Variants in CDK19 observed in about 807,000 individuals in gnomAD.
CDK19 encodes the protein cyclin-dependent kinase 19.
Under a neutral mutation model 68.3 loss-of-function variants are expected in CDK19, and 20 were observed. The observed-to-expected ratio is 0.29, with a 90% CI of 0.21 to 0.43. The LOEUF is 0.43. Among genes scored for constraint, CDK19 ranks in the 20% least tolerant of loss-of-function variants. The probability of loss-of-function intolerance (pLI) is 1.00; values close to 1 mark genes in which losing one functional copy is unlikely to be tolerated. For synonymous variants in CDK19, 221 were observed against 222.8 expected, an observed-to-expected ratio of 0.99 and a Z score of 0.07; for missense variants, 339 against 623.5, an observed-to-expected ratio of 0.54 and a Z score of 4.86.
At chr6:110,753,163 CA>C (rs1397389478) in intron 1 of CDK19, among the ~76,000 whole-genome samples, 5 of 152,140 alleles carry the variant, frequency 3.3e-5, no homozygotes, top group Admixed American at 3.3e-4. Flanking sequence ...TTCCTGGGCT[CA>C]AGCAATCCGC....
intron 2 of CDK19, among the ~76,000 whole-genome samples, chr6:110,692,539 C>T (rs1466692782): frequency 6.6e-6 from 1 of 151,822 alleles, no homozygotes; most frequent in East Asian, 1.9e-4. Flanking sequence ...GGAGAAGAGA[C>T]AATAAAAAGT....
chr6:110,707,014 A>AC (rs969442758), intron 2 of CDK19: 2 of 151,250 alleles, frequency 1.3e-5, no homozygotes, highest in African/African-American at 4.9e-5. Flanking sequence ...AAAAAAAAAA[A>AC]AAAACTGAGA....
At chr6:110,616,582 C>T (rs766233059) in intron 12 of CDK19, among the ~76,000 whole-genome samples, 4 of 151,652 alleles carry the variant, frequency 2.6e-5, no homozygotes, top group Non-Finnish European at 4.4e-5. Context: ...GCAGGAGAAT[C>T]GCTTGAACCC....
intron 4 of CDK19, among the ~76,000 whole-genome samples, chr6:110,641,651 AAGGAAGG>A (rs1251116488): frequency 4.1e-4 from 55 of 134,432 alleles, no homozygotes; most frequent in East Asian, 8.1e-4. Context: ...GAAAGAAAGG[AAGGAAGG>A]AAGGAAGGAA....
At chr6:110,787,694 G>A (rs1781326032) in intron 1 of CDK19, among the ~76,000 whole-genome samples, 1 of 151,940 alleles carries the variant, frequency 6.6e-6, no homozygotes, top group Non-Finnish European at 1.5e-5. Flanking sequence ...CTCCTGCCTT[G>A]GCCTGCCAAA....
At chr6:110,695,494 AAAGAT>A (rs977008939) in intron 2 of CDK19, among the ~76,000 whole-genome samples, 15 of 152,058 alleles carry the variant, frequency 9.9e-5, no homozygotes, top group African/African-American at 3.6e-4. Context: ...GAAAACAAAT[AAAGAT>A]TAGAACAGAA....
At position 110,613,125 on chromosome 6, in the gene CDK19, T is replaced by C. The variant is rs1442500683; in HGVS notation, c.*1410A>G. On this transcript the variant is annotated 3_prime_UTR_variant, in exon 13 of 13. Coordinates refer to ENST00000368911, the MANE Select transcript of CDK19 (RefSeq NM_015076.5). ...TACATTACAATGGGAGCTCTAAGTTTTTACATTTCCTTTTGACTCTGGGGA... is the reference window on the plus strand; with the variant it reads ...TACATTACAATGGGAGCTCTAAGTTCTTACATTTCCTTTTGACTCTGGGGA... 1 of 152,626 alleles carries C rather than the reference T, an allele frequency of 6.6e-6. No individual in the cohort carries two copies. The highest frequency in any genetic ancestry group is 1.5e-5 in the Non-Finnish European group (1 of 68,036). 9.5% of individuals were successfully genotyped at this position (152,626 alleles called of 1,614,324 possible).
At chr6:110,687,609 GA>G (rs1369768663) in intron 2 of CDK19, among the ~76,000 whole-genome samples, 2 of 152,208 alleles carry the variant, frequency 1.3e-5, no homozygotes, top group African/African-American at 4.8e-5. Flanking sequence ...CACAGAGGGG[GA>G]TGAGCTTCCA....
chr6:110,751,010 AT>A (rs1778438489), intron 1 of CDK19, among the ~76,000 whole-genome samples: 3 of 151,966 alleles, frequency 2.0e-5, no homozygotes, highest in African/African-American at 7.2e-5. Context: ...TAATTTTTGT[AT>A]TTTTGGTAGA....
chr6:110,679,627 T>C (rs936309512), intron 2 of CDK19, among the ~76,000 whole-genome samples: 18 of 152,058 alleles, frequency 1.2e-4, no homozygotes, highest in African/African-American at 3.9e-4. Context: ...CATAAAAAAT[T>C]TTTTTAAAAA....
chr6:110,672,762 G>A (rs1049086568), intron 2 of CDK19, among the ~76,000 whole-genome samples: 10 of 151,648 alleles, frequency 6.6e-5, no homozygotes, highest in Non-Finnish European at 1.5e-4. Flanking sequence ...TTAATATTAG[G>A]ACAATATCAA....
chr6:110,776,619 A>G (rs930267563), intron 1 of CDK19, among the ~76,000 whole-genome samples: 7 of 152,142 alleles, frequency 4.6e-5, no homozygotes, highest in Non-Finnish European at 8.8e-5. Flanking sequence ...CAAATTACTA[A>G]TTTAGCAATA....
chr6:110,798,112 T>G (rs947407471), intron 1 of CDK19, among the ~76,000 whole-genome samples: 1 of 152,002 alleles, frequency 6.6e-6, no homozygotes, highest in Non-Finnish European at 1.5e-5. Flanking sequence ...ATGAGTCAGA[T>G]GTACCGTACT....
In CDK19 at chr6:110,715,380, C is replaced by T. The variant is rs373736715; in HGVS notation, c.204+30746G>A. ...TTTCTGAACACTCCTATATTTAAGG[C>T]GCTATATGGGGCTTTGTTTAAATAT... is the stretch of plus-strand genomic sequence containing the variant. On this transcript the variant is annotated intron_variant, in intron 2 of 12. Coordinates refer to ENST00000368911, the MANE Select transcript of CDK19 (RefSeq NM_015076.5). Among the ~76,000 whole-genome samples, 27 of 152,246 alleles carry T rather than the reference C, an allele frequency of 1.8e-4. 2 individuals carry two copies. The East Asian group carries it at 3.3e-3, about 18-fold the overall frequency.
intron 2 of CDK19, among the ~76,000 whole-genome samples, chr6:110,683,976 C>T (rs895660015): frequency 2.0e-5 from 3 of 151,358 alleles, no homozygotes; most frequent in African/African-American, 4.9e-5. Flanking sequence ...CCCAAAGTGC[C>T]GAGAATACAG....
In CDK19 at chr6:110,610,595, A is replaced by G. The variant is rs939795674; in HGVS notation, c.*3940T>C. 3 of 152,146 alleles carry G rather than the reference A, an allele frequency of 2.0e-5. No individual in the cohort carries two copies. Among genetic ancestry groups the G allele is most frequent in the Non-Finnish European group, 2.9e-5 (2 of 68,006 alleles). 9.4% of individuals were successfully genotyped at this position (152,146 alleles called of 1,614,324 possible). ...AAACCCTAAAACAATGAACTTTGTT[A>G]TATTTGTGACTATTTTTGAGGATTA... On this transcript the variant is annotated 3_prime_UTR_variant, in exon 13 of 13. Transcript: ENST00000368911.
At chr6:110,672,256 C>A (rs998133316) in intron 2 of CDK19, among the ~76,000 whole-genome samples, 1 of 152,128 alleles carries the variant, frequency 6.6e-6, no homozygotes, top group African/African-American at 2.4e-5. Flanking sequence ...GTTCTCTTTG[C>A]AGCCTGAAGT....
intron 2 of CDK19, among the ~76,000 whole-genome samples, chr6:110,699,953 C>G (rs927964954): frequency 1.3e-5 from 2 of 152,182 alleles, no homozygotes; most frequent in African/African-American, 4.8e-5. Flanking sequence ...ACAAGCCACA[C>G]AGCAGGAGGT....
At chr6:110,629,649 C>T (rs956017646) in intron 6 of CDK19, among the ~76,000 whole-genome samples, 6 of 152,102 alleles carry the variant, frequency 3.9e-5, no homozygotes, top group African/African-American at 1.2e-4. Flanking sequence ...GCACCTTGCC[C>T]GGCCCTAAGT....
Sources: gnomAD v4.1 joint callset for allele counts (sites outside exome capture counted in the v4.1 genomes callset) on GRCh38, gnomAD v4.1.1 for gene constraint, MANE v1.5 for transcripts, NCBI Gene and HGNC (gene_info 2026-07-23, HGNC 2026-07-21) for gene names.